The following ZFAT variants were observed in gnomAD, a reference collection of about 807,000 sequenced individuals.
The protein encoded by ZFAT is zinc finger and AT-hook domain containing, also known as zinc finger protein ZFAT.
A neutral mutation model predicts 117.7 loss-of-function variants in ZFAT; 64 were observed. The observed-to-expected ratio is 0.54, with a 90% confidence interval of 0.44 to 0.67. The LOEUF (loss-of-function observed/expected upper bound fraction) is 0.67. Ranked by LOEUF, ZFAT falls within the 30% of genes least tolerant of loss-of-function variation. The pLI, the probability that ZFAT is intolerant of heterozygous loss-of-function variation, is 0.00. For missense variants in ZFAT, 1,433 were observed against 1,584.5 expected, an observed-to-expected ratio of 0.90 and a Z score of 1.62; for synonymous variants, 679 against 615.0, an observed-to-expected ratio of 1.10 and a Z score of -1.54.
chr8:134,576,853 C>A (rs983529426), intron 10 of ZFAT, among the ~76,000 whole-genome samples: 6 of 152,182 alleles, frequency 3.9e-5, no homozygotes, highest in African/African-American at 1.4e-4. Context: ...CTGGATAATT[C>A]TTTTCAAATT....
intron 11 of ZFAT, among the ~76,000 whole-genome samples, chr8:134,538,104 A>G (rs1042938464): frequency 1.3e-5 from 2 of 152,196 alleles, no homozygotes; most frequent in Non-Finnish European, 2.9e-5. Flanking sequence ...GTGGCCATGG[A>G]AAGAGTATAT....
At chr8:134,583,303 C>G (rs1386517840) in intron 10 of ZFAT, among the ~76,000 whole-genome samples, 1 of 152,212 alleles carries the variant, frequency 6.6e-6, no homozygotes, top group African/African-American at 2.4e-5. Flanking sequence ...TATAAGAACT[C>G]AATCAATGGT....
intron 10 of ZFAT, among the ~76,000 whole-genome samples, chr8:134,582,762 C>T (rs1306337372): frequency 6.6e-6 from 1 of 152,010 alleles, no homozygotes; most frequent in Non-Finnish European, 1.5e-5. Flanking sequence ...AAGGGCCCAA[C>T]CCCCACACAC....
intron 14 of ZFAT, chr8:134,510,636 A>C (rs1358722872): frequency 6.3e-6 from 1 of 157,888 alleles, no homozygotes; most frequent in Admixed American, 6.1e-5. Flanking sequence ...CCTTAAGGGA[A>C]ATGGTGCAAA....
At chr8:134,805,823 A>T in the ZFAT span, among the ~76,000 whole-genome samples, 1 of 152,018 alleles carries the variant, frequency 6.6e-6, no homozygotes, top group South Asian at 2.1e-4. Context: ...CTCTAAAAAC[A>T]TACAACATAT....
At chr8:134,712,819 T>TTC in intron 1 of ZFAT, 26 bp downstream of exon 1, 1 of 508,234 alleles carries the variant, frequency 2.0e-6, no homozygotes, top group Admixed American at 4.0e-5. Flanking sequence ...CCACCCCGTC[T>TTC]CACCCCAACC....
At chr8:134,612,630 C>A (rs1392974025) in intron 3 of ZFAT, among the ~76,000 whole-genome samples, 6 of 152,180 alleles carry the variant, frequency 3.9e-5, no homozygotes, top group Non-Finnish European at 8.8e-5. Context: ...ATTTTTAGAC[C>A]TAGTGAAACA....
the ZFAT span, among the ~76,000 whole-genome samples, chr8:134,751,469 T>C: frequency 6.6e-6 from 1 of 152,170 alleles, no homozygotes; most frequent in Non-Finnish European, 1.5e-5. Flanking sequence ...AGTCCAAAAC[T>C]GGGACAGCAG....
In ZFAT at chr8:134,610,806, G is replaced by A. The variant is rs778585865; in HGVS notation, c.449-151C>T. On this transcript the variant is annotated intron_variant, in intron 3 of 15. Transcript: ENST00000377838. ...ACCACGGAATCACTGTAGGTACCACGGTGGCTCTTCACTGCTTCACTCGAT... is the reference window on the plus strand; with the variant it reads ...ACCACGGAATCACTGTAGGTACCACAGTGGCTCTTCACTGCTTCACTCGAT... The A allele has an allele frequency of 3.3e-5, 28 of 840,292 alleles. No individual in the cohort carries two copies. The South Asian group carries it at 3.9e-4, about 12-fold the overall frequency. The allele number at this position is 840,292 out of a possible 1,614,324, so 52.1% of individuals were successfully genotyped here.
intron 3 of ZFAT, among the ~76,000 whole-genome samples, chr8:134,623,487 T>C (rs6981735): frequency 0.76 from 115,025 of 152,068 alleles, 43,795 homozygotes; most frequent in East Asian, 0.91. Context: ...AACTCACCCT[T>C]TTTCCTCCAA....
intron 15 of ZFAT, 84 bp downstream of exon 15, chr8:134,509,535 T>A: frequency 2.5e-6 from 4 of 1,586,098 alleles, no homozygotes; most frequent in Non-Finnish European, 3.4e-6. Context: ...TCAGGTAAGT[T>A]AAAGACTTAG....
intron 11 of ZFAT, among the ~76,000 whole-genome samples, chr8:134,534,778 A>G (rs1684183415): frequency 6.8e-6 from 1 of 147,666 alleles, no homozygotes; most frequent in African/African-American, 2.5e-5. Flanking sequence ...AGGGAGAAAG[A>G]GAGAGAGAGA....
At chr8:134,494,872 T>G (rs115456327) in intron 15 of ZFAT, among the ~76,000 whole-genome samples, 1 of 152,162 alleles carries the variant, frequency 6.6e-6, no homozygotes, top group African/African-American at 2.4e-5. Flanking sequence ...CAGTGAAGCT[T>G]TGACATTCAC....
At chr8:134,515,099 G>A (rs1231215608) in intron 13 of ZFAT, among the ~76,000 whole-genome samples, 3 of 152,080 alleles carry the variant, frequency 2.0e-5, no homozygotes, top group Non-Finnish European at 1.5e-5. Flanking sequence ...GAGAATGATG[G>A]TTTTCAGCTT....
intron 13 of ZFAT, among the ~76,000 whole-genome samples, chr8:134,514,284 C>T (rs1820085509): frequency 6.6e-6 from 1 of 152,184 alleles, no homozygotes; most frequent in Non-Finnish European, 1.5e-5. Context: ...GGAAGCGAGG[C>T]TTTACTGCAT....
the ZFAT span, among the ~76,000 whole-genome samples, chr8:134,790,422 T>C: frequency 6.6e-6 from 1 of 152,206 alleles, no homozygotes; most frequent in Non-Finnish European, 1.5e-5. Context: ...GCTCGGTTAA[T>C]ATAACAGAAG....
chr8:134,513,497 A>T (rs548185002), intron 13 of ZFAT, among the ~76,000 whole-genome samples: 1 of 152,330 alleles, frequency 6.6e-6, no homozygotes, highest in South Asian at 2.1e-4. Context: ...CGAACATGAA[A>T]GTGTAAGAAA....
the ZFAT span, among the ~76,000 whole-genome samples, chr8:134,746,168 G>C: frequency 6.6e-6 from 1 of 152,158 alleles, no homozygotes; most frequent in East Asian, 1.9e-4. Flanking sequence ...TCAATGAAAA[G>C]AACCTCCTCC....
chr8:134,493,575 G>A (rs553302623), intron 15 of ZFAT, among the ~76,000 whole-genome samples: 36 of 152,354 alleles, frequency 2.4e-4, no homozygotes, highest in African/African-American at 8.2e-4. Flanking sequence ...ACCTTCTCTC[G>A]TAAATTGTGG....
Sources: allele counts gnomAD v4.1 joint callset (sites outside exome capture counted in the v4.1 genomes callset), GRCh38; gene constraint gnomAD v4.1.1; transcripts MANE v1.5; gene names NCBI Gene and HGNC (gene_info 2026-07-23, HGNC 2026-07-21).